The following HSBP1L1 variants were observed in gnomAD, a reference collection of about 807,000 sequenced individuals.
HSBP1L1 encodes the protein heat shock factor binding protein 1 like 1, also known as heat shock factor-binding protein 1-like protein 1.
Under a neutral mutation model 9.7 loss-of-function variants are expected in HSBP1L1, and 8 were observed. The ratio of observed to expected loss-of-function variants is 0.82; its 90% confidence interval spans 0.48 to 1.48. The LOEUF (loss-of-function observed/expected upper bound fraction) is 1.48, where lower values mean the gene tolerates loss of function less well. HSBP1L1 is among the 40% of genes most tolerant of loss of function. The pLI, the probability that HSBP1L1 is intolerant of heterozygous loss-of-function variation, is 0.00. For synonymous variants in HSBP1L1, 39 were observed against 34.4 expected, an observed-to-expected ratio of 1.13 and a Z score of -0.46; for missense variants, 106 against 95.8, an observed-to-expected ratio of 1.11 and a Z score of -0.44.
intron 3 of HSBP1L1, among the ~76,000 whole-genome samples, chr18:79,969,391 G>GAAAGAAAGA (rs1177594343): frequency 1.1e-5 from 1 of 92,970 alleles, no homozygotes; most frequent in African/African-American, 4.1e-5. Context: ...AAGAAAGAAA[G>GAAAGAAAGA]AAAAAAAAAC....
At chr18:79,967,279 C>G (rs1006719143) in intron 2 of HSBP1L1, among the ~76,000 whole-genome samples, 3 of 152,082 alleles carry the variant, frequency 2.0e-5, no homozygotes, top group Non-Finnish European at 4.4e-5. Context: ...CCCAACCGGA[C>G]AGTGCCCCCT....
chr18:79,968,869 C>G (rs2051270564), intron 3 of HSBP1L1, among the ~76,000 whole-genome samples: 1 of 151,652 alleles, frequency 6.6e-6, no homozygotes, highest in African/African-American at 2.4e-5. Flanking sequence ...ATGTTTAAAG[C>G]CATTAGTAAA....
chr18:79,965,403 C>G (rs563104205), intron 1 of HSBP1L1, among the ~76,000 whole-genome samples: 56 of 152,226 alleles, frequency 3.7e-4, no homozygotes, highest in African/African-American at 1.3e-3. Context: ...GGGCCTCCTC[C>G]TATGTCGACG....
chr18:79,970,253 TAAGTCAGGGC>T, intron 3 of HSBP1L1, 177 bp from the exon 4 acceptor site: 2 of 539,440 alleles, frequency 3.7e-6, no homozygotes, highest in Middle Eastern at 2.9e-4. Flanking sequence ...GCAAAGCACT[TAAGTCAGGGC>T]AAGGTAGACA....
At chr18:79,965,245 C>T (rs1370763247) in intron 1 of HSBP1L1, among the ~76,000 whole-genome samples, 2 of 152,224 alleles carry the variant, frequency 1.3e-5, no homozygotes, top group African/African-American at 2.4e-5. Flanking sequence ...GCTCCCCAGG[C>T]CTTCCTACTT....
At position 79,964,718 on chromosome 18, in the gene HSBP1L1, C is replaced by G. The variant is rs772262796; in HGVS notation, c.-18C>G. On this transcript the variant is annotated 5_prime_UTR_variant, in exon 1 of 4. Coordinates refer to ENST00000451882, the MANE Select transcript of HSBP1L1 (RefSeq NM_001136180.2). ...GGCCCACGGGACCCCCCACTGACGC[C>G]CCCGGCCAGCGGTCCACATGGACGT... 1 of 1,399,538 alleles carries G rather than the reference C, an allele frequency of 7.1e-7. No homozygotes were observed. Among genetic ancestry groups the G allele is most frequent in the South Asian group, 1.4e-5 (1 of 69,292 alleles). 86.7% of individuals were successfully genotyped at this position (1,399,538 alleles called of 1,614,324 possible). A position where few individuals can be genotyped will look rare whatever the true frequency, so the allele number is the denominator to read the frequency against.
chr18:79,969,850 T>G (rs1433210513), intron 3 of HSBP1L1, among the ~76,000 whole-genome samples: 2 of 152,236 alleles, frequency 1.3e-5, no homozygotes, highest in Non-Finnish European at 2.9e-5. Context: ...TTACTTTATA[T>G]TTGACTAATA....
At chr18:79,966,195 T>A (rs2051256264) in intron 1 of HSBP1L1, among the ~76,000 whole-genome samples, 1 of 152,014 alleles carries the variant, frequency 6.6e-6, no homozygotes, top group Non-Finnish European at 1.5e-5. Flanking sequence ...CCTCCCAAAG[T>A]GCTGGGATTA....
Position 79,970,750 on chromosome 18 carries a change from T to G in HSBP1L1, c.*299T>G, listed in dbSNP as rs2051292683. On this transcript the variant is annotated 3_prime_UTR_variant, in exon 4 of 4. Transcript: ENST00000451882. ...AATCTGAAGTATTTTGTTATGGCAGTCCTGGGCAGACTAATACAATATGCA... is the reference window on the plus strand; with the variant it reads ...AATCTGAAGTATTTTGTTATGGCAGGCCTGGGCAGACTAATACAATATGCA... 2.5e-6 allele frequency: 1 copy of G among 397,564 alleles called. No individual in the cohort carries two copies. Among genetic ancestry groups the G allele is most frequent in the Non-Finnish European group, 4.7e-6 (1 of 214,588 alleles). 24.6% of individuals were successfully genotyped at this position (397,564 alleles called of 1,614,324 possible).
intron 3 of HSBP1L1, chr18:79,970,120 G>C (rs975700917): frequency 1.0e-5 from 3 of 297,442 alleles, no homozygotes; most frequent in African/African-American, 4.2e-5. Context: ...CAGCCATGCA[G>C]GCCTAGGTTT....
At position 79,970,810 on chromosome 18, in the gene HSBP1L1, A is replaced by C; in HGVS notation, c.*359A>C. Reference sequence around the variant, plus strand: ...CAATAAATATACAATAAACTTACAAATGTGGAATGTAATTATTTTATCTTT... The same window carrying C: ...CAATAAATATACAATAAACTTACAACTGTGGAATGTAATTATTTTATCTTT... On this transcript the variant is annotated 3_prime_UTR_variant, in exon 4 of 4. Coordinates refer to ENST00000451882, the MANE Select transcript of HSBP1L1 (RefSeq NM_001136180.2). 4.8e-6 allele frequency: 1 copy of C among 210,426 alleles called. No homozygotes were observed. The allele number at this position is 210,426 out of a possible 1,614,324, so 13.0% of individuals were successfully genotyped here.
chr18:79,968,109 ATT>A lies in HSBP1L1; in HGVS notation c.140_141del (p.Ile47ArgfsTer17). 1 of 1,549,930 alleles carries A rather than the reference ATT, an allele frequency of 6.5e-7. No homozygotes were observed. The highest frequency in any genetic ancestry group is 8.7e-7 in the Non-Finnish European group (1 of 1,145,478). ...NLRMEEMGNR[I>X]EDLQKNVKDL... Reference sequence around the variant, plus strand: ...TGTACTGGAAGAAATGGGAAATCGCATTGAGGACTTACAGAAGAATGTCAAGG... The same window carrying A: ...TGTACTGGAAGAAATGGGAAATCGCAGAGGACTTACAGAAGAATGTCAAGG... On this transcript the variant is annotated frameshift_variant, in exon 3 of 4. Transcript: ENST00000451882. LOFTEE classifies it high-confidence loss of function.
chr18:79,969,306 G>A (rs57199182), intron 3 of HSBP1L1, among the ~76,000 whole-genome samples: 31 of 64,354 alleles, frequency 4.8e-4, no homozygotes, highest in African/African-American at 1.0e-3. Flanking sequence ...GAGAGAGAGA[G>A]AGAAAGGAAA....
chr18:79,968,114 G>A lies in HSBP1L1; in HGVS notation c.144G>A (p.Glu48=), dbSNP rs904614825. 1.2e-5 allele frequency: 19 copies of A among 1,549,832 alleles called. No individual in the cohort carries two copies. The highest frequency in any genetic ancestry group is 1.4e-5 in the Non-Finnish European group (16 of 1,145,520). ...LRMEEMGNRI[E]DLQKNVKDLM... is the part of the protein sequence containing the mutation. ...TGGAAGAAATGGGAAATCGCATTGA[G>A]GACTTACAGAAGAATGTCAAGGACT... The change falls in exon 3 of 4, where the codon GAG becomes GAA. Residue 48 remains glutamate, a synonymous_variant. Coordinates refer to ENST00000451882, the MANE Select transcript of HSBP1L1 (RefSeq NM_001136180.2).
At chr18:79,966,060 T>C (rs1259052846) in intron 1 of HSBP1L1, among the ~76,000 whole-genome samples, 1 of 151,848 alleles carries the variant, frequency 6.6e-6, no homozygotes, top group Non-Finnish European at 1.5e-5. Flanking sequence ...GCCTCCCGAG[T>C]AGCTGGGACT....
chr18:79,969,054 T>C (rs1450690003), intron 3 of HSBP1L1, among the ~76,000 whole-genome samples: 2 of 145,786 alleles, frequency 1.4e-5, no homozygotes, highest in Non-Finnish European at 3.0e-5. Context: ...CCGGGTGTGG[T>C]GGCGGGCGCC....
chr18:79,968,913 G>A (rs941547947), intron 3 of HSBP1L1, among the ~76,000 whole-genome samples: 23 of 151,246 alleles, frequency 1.5e-4, no homozygotes, highest in African/African-American at 2.9e-4. Flanking sequence ...AGCCAGGCGC[G>A]GTGGCTCAGC....
At chr18:79,968,246 C>A in intron 3 of HSBP1L1, 63 bp downstream of exon 3, 1 of 921,680 alleles carries the variant, frequency 1.1e-6, no homozygotes, top group Non-Finnish European at 1.7e-6. Context: ...CATCTTGAAA[C>A]ATACAATCCC....
At position 79,964,716 on chromosome 18, in the gene HSBP1L1, G is replaced by T. The variant is rs1568355082; in HGVS notation, c.-20G>T. The T allele has an allele frequency of 4.3e-6, 6 of 1,391,976 alleles. No homozygotes were observed. Among genetic ancestry groups the T allele is most frequent in the Non-Finnish European group, 4.7e-6 (5 of 1,068,112 alleles). 86.2% of individuals were successfully genotyped at this position (1,391,976 alleles called of 1,614,324 possible). A position where few individuals can be genotyped will look rare whatever the true frequency, so the allele number is the denominator to read the frequency against. On this transcript the variant is annotated 5_prime_UTR_variant, in exon 1 of 4. Coordinates refer to ENST00000451882, the MANE Select transcript of HSBP1L1 (RefSeq NM_001136180.2). ...GCGGCCCACGGGACCCCCCACTGAC[G>T]CCCCCGGCCAGCGGTCCACATGGAC... is the stretch of plus-strand genomic sequence containing the variant.
Sources: gnomAD v4.1 joint callset for allele counts (sites outside exome capture counted in the v4.1 genomes callset) on GRCh38, gnomAD v4.1.1 for gene constraint, MANE v1.5 for transcripts, NCBI Gene and HGNC (gene_info 2026-07-23, HGNC 2026-07-21) for gene names.